The following MACROD2 variants were observed in gnomAD, a reference collection of about 807,000 sequenced individuals.
The protein encoded by MACROD2 is ADP-ribose glycohydrolase MACROD2.
In MACROD2, 36 loss-of-function variants were observed where a neutral mutation model predicts 70.4. The ratio of observed to expected loss-of-function variants is 0.51; its 90% CI spans 0.39 to 0.68. The LOEUF is 0.68. Among genes scored for constraint, MACROD2 ranks in the 30% least tolerant of loss-of-function variants. The probability of loss-of-function intolerance (pLI) is 0.00; values close to 1 mark genes in which losing one functional copy is unlikely to be tolerated. For missense variants in MACROD2, 496 were observed against 538.4 expected, an observed-to-expected ratio of 0.92 and a Z score of 0.78; for synonymous variants, 172 against 178.8, an observed-to-expected ratio of 0.96 and a Z score of 0.30.
At chr20:14,481,210 A>G (rs1366145291) in intron 3 of MACROD2, among the ~76,000 whole-genome samples, 1 of 152,154 alleles carries the variant, frequency 6.6e-6, no homozygotes, top group Non-Finnish European at 1.5e-5. Context: ...TATTGTTTTC[A>G]TAAATCTAAA....
intron 5 of MACROD2, among the ~76,000 whole-genome samples, chr20:14,813,128 C>T (rs2072734103): frequency 6.6e-6 from 1 of 151,658 alleles, no homozygotes; most frequent in Non-Finnish European, 1.5e-5. Flanking sequence ...CTTGAGACTT[C>T]TGAAATATTT....
chr20:14,182,631 A>G (rs188443109), intron 3 of MACROD2, among the ~76,000 whole-genome samples: 6 of 152,228 alleles, frequency 3.9e-5, no homozygotes, highest in African/African-American at 1.4e-4. Flanking sequence ...TAGCTCTTAT[A>G]TTTAGGTCTT....
chr20:15,092,422 A>G (rs984470226), intron 5 of MACROD2, among the ~76,000 whole-genome samples: 9 of 148,490 alleles, frequency 6.1e-5, no homozygotes, highest in African/African-American at 2.0e-4. Flanking sequence ...TATTTTCATT[A>G]TAATTAAAAT....
At chr20:15,615,974 G>A (rs2146718898) in intron 8 of MACROD2, among the ~76,000 whole-genome samples, 1 of 152,210 alleles carries the variant, frequency 6.6e-6, no homozygotes, top group South Asian at 2.1e-4. Flanking sequence ...TAAGCTGTTG[G>A]TTCCAGGCAG....
At chr20:14,448,124 T>G (rs1285332638) in intron 3 of MACROD2, among the ~76,000 whole-genome samples, 1 of 151,750 alleles carries the variant, frequency 6.6e-6, no homozygotes, top group Non-Finnish European at 1.5e-5. Context: ...AGCCCGTCTT[T>G]CCCACATCTC....
intron 5 of MACROD2, among the ~76,000 whole-genome samples, chr20:15,083,889 T>A (rs2075724430): frequency 6.6e-6 from 1 of 152,056 alleles, no homozygotes; most frequent in South Asian, 2.1e-4. Flanking sequence ...CTATGTTCTG[T>A]ATCTCTGTAT....
At chr20:15,504,021 A>G (rs950083229) in intron 8 of MACROD2, among the ~76,000 whole-genome samples, 4 of 152,148 alleles carry the variant, frequency 2.6e-5, no homozygotes, top group African/African-American at 4.8e-5. Flanking sequence ...TTTACATTTC[A>G]CCATTAACTT....
At chr20:15,488,520 G>A (rs1025461991) in intron 7 of MACROD2, among the ~76,000 whole-genome samples, 14 of 152,178 alleles carry the variant, frequency 9.2e-5, no homozygotes, top group African/African-American at 3.4e-4. Context: ...GATAAGAGCA[G>A]CAAAAGACCC....
chr20:14,589,445 C>T (rs1392635516), intron 4 of MACROD2, among the ~76,000 whole-genome samples: 1 of 152,094 alleles, frequency 6.6e-6, no homozygotes. Context: ...ATGCTTTTTA[C>T]ATTGAATTCT....
chr20:14,869,293 C>T (rs998399523), intron 5 of MACROD2, among the ~76,000 whole-genome samples: 1 of 152,146 alleles, frequency 6.6e-6, no homozygotes, highest in African/African-American at 2.4e-5. Flanking sequence ...TCTTTTGTAT[C>T]CGTTAGAGTT....
intron 3 of MACROD2, among the ~76,000 whole-genome samples, chr20:14,242,577 TC>T (rs1352465456): frequency 5.9e-5 from 9 of 152,296 alleles, no homozygotes; most frequent in Non-Finnish European, 1.2e-4. Context: ...TTTAAATTGT[TC>T]CATTGGATGA....
Position 15,166,094 on chromosome 20 carries a change from C to A in MACROD2, c.419-63846C>A, listed in dbSNP as rs574218722. 5.3e-5 allele frequency among the ~76,000 whole-genome samples: 8 copies of A among 152,228 alleles called. No homozygotes were observed. In the South Asian group the frequency reaches 6.2e-4, roughly 12 times the overall value. ...TCTTGCATGCAGCTGGGGGTAGGAACAGGTATTGACTGCAAATGGGCACGG... is the reference window on the plus strand; with the variant it reads ...TCTTGCATGCAGCTGGGGGTAGGAAAAGGTATTGACTGCAAATGGGCACGG... On this transcript the variant is annotated intron_variant, in intron 5 of 17. Transcript: ENST00000684519.
chr20:14,191,521 C>A (rs577851637), intron 3 of MACROD2, among the ~76,000 whole-genome samples: 4 of 152,136 alleles, frequency 2.6e-5, no homozygotes, highest in Admixed American at 2.0e-4. Context: ...AGAACCTATA[C>A]CCTCGTGGAG....
At chr20:14,410,075 C>T (rs2083733531) in intron 3 of MACROD2, among the ~76,000 whole-genome samples, 1 of 152,014 alleles carries the variant, frequency 6.6e-6, no homozygotes, top group South Asian at 2.1e-4. Flanking sequence ...GAGTTGAAAC[C>T]CAGGAGATGT....
intron 5 of MACROD2, among the ~76,000 whole-genome samples, chr20:15,091,055 G>T (rs577903257): frequency 6.6e-6 from 1 of 151,840 alleles, no homozygotes; most frequent in Non-Finnish European, 1.5e-5. Context: ...TTCAACCAAG[G>T]ATGAGGTGTA....
At chr20:14,874,912 C>G (rs564209330) in intron 5 of MACROD2, among the ~76,000 whole-genome samples, 1 of 151,258 alleles carries the variant, frequency 6.6e-6, no homozygotes, top group Non-Finnish European at 1.5e-5. Flanking sequence ...ACCATGTTGA[C>G]CAGGCTGGTC....
At chr20:14,369,193 T>C (rs981788544) in intron 3 of MACROD2, among the ~76,000 whole-genome samples, 1 of 152,246 alleles carries the variant, frequency 6.6e-6, no homozygotes, top group Non-Finnish European at 1.5e-5. Flanking sequence ...AAGGAATCTC[T>C]GCTGCATTTC....
intron 6 of MACROD2, among the ~76,000 whole-genome samples, chr20:15,383,866 T>C (rs1399992114): frequency 6.6e-6 from 1 of 152,112 alleles, no homozygotes; most frequent in Admixed American, 6.5e-5. Flanking sequence ...CTTTAGTGTA[T>C]TTTTTTAATT....
At chr20:14,214,586 CTTT>C (rs11479144) in intron 3 of MACROD2, among the ~76,000 whole-genome samples, 5 of 131,350 alleles carry the variant, frequency 3.8e-5, no homozygotes, top group Admixed American at 7.8e-5. Flanking sequence ...CAGCAATGTT[CTTT>C]TTTTTTTTTT....
Sources: gnomAD v4.1 joint callset for allele counts (sites outside exome capture counted in the v4.1 genomes callset) on GRCh38, gnomAD v4.1.1 for gene constraint, MANE v1.5 for transcripts, NCBI Gene and HGNC (gene_info 2026-07-23, HGNC 2026-07-21) for gene names.